The following ARID2 variants were observed in gnomAD, a reference collection of about 807,000 sequenced individuals.
ARID2 encodes AT-rich interactive domain-containing protein 2.
In ARID2, 32 loss-of-function variants were observed where a neutral mutation model predicts 184.6. The ratio of observed to expected loss-of-function variants is 0.17; its 90% confidence interval spans 0.13 to 0.23. The LOEUF is 0.23. Ranked by LOEUF, ARID2 falls within the 10% of genes least tolerant of loss-of-function variation. ARID2 has a pLI of 1.00. For synonymous variants in ARID2, 836 were observed against 772.6 expected (o/e 1.08, Z -1.36); for missense variants, 1,696 against 2,197.6 (o/e 0.77, Z 4.56).
chr12:45,826,014 T>TA (rs1942993273), intron 6 of ARID2, among the ~76,000 whole-genome samples: 2 of 152,158 alleles, frequency 1.3e-5, no homozygotes, highest in African/African-American at 2.4e-5. Flanking sequence ...TTTTCTTTTA[T>TA]AATGGAACTT....
intron 14 of ARID2, 101 bp from the exon 15 acceptor site, chr12:45,849,935 A>G: frequency 6.9e-7 from 1 of 1,458,652 alleles, no homozygotes; most frequent in Non-Finnish European, 9.1e-7. Flanking sequence ...AAATTGTTAG[A>G]TGTTAATTTC....
intron 3 of ARID2, among the ~76,000 whole-genome samples, chr12:45,756,867 C>G (rs375532372): frequency 1.3e-5 from 2 of 152,086 alleles, no homozygotes; most frequent in Non-Finnish European, 2.9e-5. Flanking sequence ...CCACTGCACT[C>G]CAGCCTGGTC....
chr12:45,891,559 G>A (rs1311139892), intron 16 of ARID2, among the ~76,000 whole-genome samples: 1 of 152,156 alleles, frequency 6.6e-6, no homozygotes, highest in East Asian at 1.9e-4. Context: ...ATAAGATAAT[G>A]TTCTATGGTG....
rs2138160846 is a variant in ARID2, at chr12:45,850,321, C to T, written c.2198C>T (p.Ala733Val). 1 of 1,614,090 alleles carries T rather than the reference C, an allele frequency of 6.2e-7. No homozygotes were observed. Among genetic ancestry groups the T allele is most frequent in the South Asian group, 1.1e-5 (1 of 91,080 alleles). ...CAGACAGGAGTTCCTGTTAGTATTG[C>T]TGTTGGAGGAGGACCTCCACAGAGT... ...IPQTGVPVSI[A>V]VGGGPPQSSV... The change falls in exon 15 of 21, where the codon GCT (alanine) becomes GTT (valine). Residue 733 changes from alanine to valine, a missense_variant. Transcript: ENST00000334344.
intron 3 of ARID2, among the ~76,000 whole-genome samples, chr12:45,792,021 A>T (rs1942301738): frequency 6.6e-6 from 1 of 152,160 alleles, no homozygotes; most frequent in South Asian, 2.1e-4. Flanking sequence ...GTGTTTTCTG[A>T]TAAACTACTT....
chr12:45,820,187 G>A (rs930211639), intron 5 of ARID2, among the ~76,000 whole-genome samples: 2 of 152,102 alleles, frequency 1.3e-5, no homozygotes, highest in Non-Finnish European at 2.9e-5. Flanking sequence ...GGTCACTGTA[G>A]TTAATTTGTT....
chr12:45,906,216 A>AT lies in ARID2; in HGVS notation c.*1142dup, dbSNP rs1164450474. ...TATATGCATTATGTGCAGGTATGAT[A>AT]TTTTCTTCACTACTTTTTCTATCTT... On this transcript the variant is annotated 3_prime_UTR_variant, in exon 21 of 21. Transcript: ENST00000334344. The AT allele has an allele frequency of 4.3e-6, 1 of 232,604 alleles. No homozygotes were observed. The highest frequency in any genetic ancestry group is 2.2e-5 in the African/African-American group (1 of 45,214). The allele number at this position is 232,604 out of a possible 1,614,324, so 14.4% of individuals were successfully genotyped here.
At chr12:45,817,621 A>G in intron 4 of ARID2, 49 bp from the exon 5 acceptor site, 1 of 1,326,702 alleles carries the variant, frequency 7.5e-7, no homozygotes, top group Non-Finnish European at 1.0e-6. Flanking sequence ...TATTCACCAT[A>G]AAGGTATCTG....
At chr12:45,844,477 C>T (rs1943407433) in intron 11 of ARID2, among the ~76,000 whole-genome samples, 1 of 152,072 alleles carries the variant, frequency 6.6e-6, no homozygotes. Context: ...ACCAAGGGGC[C>T]AGAATACCCA....
chr12:45,904,846 A>G, intron 20 of ARID2, 88 bp from the exon 21 acceptor site: 3 of 1,382,232 alleles, frequency 2.2e-6, no homozygotes, highest in Non-Finnish European at 3.0e-6. Flanking sequence ...TATTGTTTCT[A>G]TTTTAGTTTT....
chr12:45,823,688 G>GA (rs143752222), intron 6 of ARID2, among the ~76,000 whole-genome samples: 13,019 of 151,934 alleles, frequency 0.086, 1,915 homozygotes, highest in African/African-American at 0.3. Flanking sequence ...GGAAAACCTA[G>GA]AAAAAATGGA....
At chr12:45,792,321 ACTT>A (rs1942308260) in intron 3 of ARID2, among the ~76,000 whole-genome samples, 1 of 152,176 alleles carries the variant, frequency 6.6e-6, no homozygotes, top group Admixed American at 6.5e-5. Flanking sequence ...TTCAAAATAC[ACTT>A]CTTAATTTCC....
At chr12:45,815,599 T>TTTTG (rs1555149077) in intron 4 of ARID2, among the ~76,000 whole-genome samples, 1 of 149,736 alleles carries the variant, frequency 6.7e-6, no homozygotes, top group Non-Finnish European at 1.5e-5. Flanking sequence ...CTTAAAGAGA[T>TTTTG]TGTGTGTGTG....
At chr12:45,859,188 A>C (rs114542736) in intron 15 of ARID2, among the ~76,000 whole-genome samples, 1,608 of 152,340 alleles carry the variant, frequency 0.011, 31 homozygotes, top group African/African-American at 0.037. Context: ...ATACAACAAT[A>C]GTCTCATAAG....
At chr12:45,780,139 C>G (rs1279617973) in intron 3 of ARID2, among the ~76,000 whole-genome samples, 1 of 152,156 alleles carries the variant, frequency 6.6e-6, no homozygotes, top group Non-Finnish European at 1.5e-5. Context: ...CTTATTCATT[C>G]AACAAGTATT....
chr12:45,760,260 G>A (rs1231710354), intron 3 of ARID2, among the ~76,000 whole-genome samples: 1 of 152,066 alleles, frequency 6.6e-6, no homozygotes, highest in Non-Finnish European at 1.5e-5. Context: ...GTCTCTTTGG[G>A]CTATTATATG....
chr12:45,824,338 CT>C (rs1942955262), intron 6 of ARID2, among the ~76,000 whole-genome samples: 1 of 151,880 alleles, frequency 6.6e-6, no homozygotes, highest in Non-Finnish European at 1.5e-5. Flanking sequence ...AGGGGAAAAA[CT>C]GAAAGCTTTT....
intron 1 of ARID2, 42 bp from the exon 2 acceptor site, chr12:45,730,002 G>C (rs1312628984): frequency 1.9e-6 from 3 of 1,608,286 alleles, no homozygotes; most frequent in Middle Eastern, 1.7e-4. Flanking sequence ...GGCCGGGCAC[G>C]GGGTCCCGGC....
chr12:45,745,364 TTTCCAGG>T (rs1179199737), intron 3 of ARID2, among the ~76,000 whole-genome samples: 11 of 152,136 alleles, frequency 7.2e-5, no homozygotes, highest in Non-Finnish European at 2.9e-5. Context: ...TAAGGATACT[TTTCCAGG>T]TAGGCCTGCG....
Sources: gnomAD v4.1 joint callset for allele counts (sites outside exome capture counted in the v4.1 genomes callset) on GRCh38, gnomAD v4.1.1 for gene constraint, MANE v1.5 for transcripts, NCBI Gene and HGNC (gene_info 2026-07-23, HGNC 2026-07-21) for gene names.